SUMF1: variants seen among roughly 807,000 people sequenced by gnomAD.
The protein encoded by SUMF1 is formylglycine-generating enzyme.
In SUMF1, 48 loss-of-function variants were observed where a neutral mutation model predicts 47.6. The observed-to-expected ratio is 1.01, with a 90% CI of 0.80 to 1.28. SUMF1 has a LOEUF of 1.28. Ranked by LOEUF, SUMF1 falls within the 50% of genes most tolerant of loss-of-function variation. The pLI is 0.00. For synonymous variants in SUMF1, 230 were observed against 192.1 expected, an observed-to-expected ratio of 1.20 and a Z score of -1.63; for missense variants, 571 against 485.4, an observed-to-expected ratio of 1.18 and a Z score of -1.66.
intron 9 of SUMF1, among the ~76,000 whole-genome samples, chr3:4,062,468 C>G (rs1239354633): frequency 6.6e-6 from 1 of 152,148 alleles, no homozygotes; most frequent in East Asian, 1.9e-4. Context: ...GACGAGGTGT[C>G]AGAGTCCCAG....
intron 8 of SUMF1, among the ~76,000 whole-genome samples, chr3:4,158,317 A>C (rs1466546054): frequency 6.6e-6 from 1 of 151,590 alleles, no homozygotes; most frequent in African/African-American, 2.4e-5. Flanking sequence ...GATACTTGAT[A>C]TGATTTCAAT....
At chr3:4,365,300 A>C (rs1366770920) in intron 8 of SUMF1, among the ~76,000 whole-genome samples, 2 of 120,014 alleles carry the variant, frequency 1.7e-5, no homozygotes, top group Non-Finnish European at 2.0e-5. Flanking sequence ...TGATCTGTCT[A>C]ATGTTGACAG....
At chr3:4,130,889 C>T (rs1374870341) in intron 8 of SUMF1, among the ~76,000 whole-genome samples, 1 of 152,114 alleles carries the variant, frequency 6.6e-6, no homozygotes, top group Non-Finnish European at 1.5e-5. Flanking sequence ...GCAAGCTGCT[C>T]TGCCACTTGG....
chr3:4,374,248 T>C (rs1286468041), intron 8 of SUMF1, among the ~76,000 whole-genome samples: 1 of 152,194 alleles, frequency 6.6e-6, no homozygotes, highest in Non-Finnish European at 1.5e-5. Context: ...CTGTCGATAT[T>C]CACAGATCAT....
chr3:4,353,107 T>C (rs1260670684), intron 8 of SUMF1, among the ~76,000 whole-genome samples: 2 of 152,190 alleles, frequency 1.3e-5, no homozygotes, highest in African/African-American at 2.4e-5. Flanking sequence ...ATTGAACATA[T>C]TAAAAGATTG....
At chr3:4,213,285 A>T (rs1018010579) in intron 8 of SUMF1, among the ~76,000 whole-genome samples, 4 of 152,218 alleles carry the variant, frequency 2.6e-5, no homozygotes, top group Admixed American at 6.5e-5. Context: ...AGAATTTTCA[A>T]CCGAGAATTT....
In SUMF1 at chr3:4,365,371, C is replaced by G. The variant is rs1263665621; in HGVS notation, c.1015-3117G>C. Among the ~76,000 whole-genome samples the G allele has an allele frequency of 1.1e-4, 13 of 122,086 alleles. 1 individual carries two copies. Among genetic ancestry groups the G allele is most frequent in the African/African-American group, 3.1e-4 (11 of 35,114 alleles). The allele number at this position is 122,086 out of a possible 152,430, so 80.1% of individuals were successfully genotyped here. A position where few individuals can be genotyped will look rare whatever the true frequency, so the allele number is the denominator to read the frequency against. ...AGTCTAAGTCTCTTTGTAGGTCACT[C>G]AGGATTTGCTTTATGAATCTGGGTG... On this transcript the variant is annotated intron_variant, in intron 8 of 8. Transcript: ENST00000272902.
At chr3:4,258,163 A>G (rs1486164315) in intron 8 of SUMF1, among the ~76,000 whole-genome samples, 10 of 150,132 alleles carry the variant, frequency 6.7e-5, no homozygotes, top group African/African-American at 1.8e-4. Context: ...AAAACCCTAG[A>G]AGAAAACCTA....
intron 4 of SUMF1, 83 bp from the exon 5 acceptor site, chr3:4,418,215 C>G (rs1701780053): frequency 1.9e-6 from 3 of 1,588,586 alleles, no homozygotes; most frequent in African/African-American, 1.3e-5. Context: ...CGCCCATAAT[C>G]CCCCTCAGTT....
chr3:4,100,320 T>G (rs902634551), intron 8 of SUMF1, among the ~76,000 whole-genome samples: 1 of 151,898 alleles, frequency 6.6e-6, no homozygotes, highest in African/African-American at 2.4e-5. Context: ...CAAAATGGCA[T>G]AGGACTGGCA....
chr3:4,088,037 G>A (rs909753545), intron 8 of SUMF1, among the ~76,000 whole-genome samples: 1 of 152,074 alleles, frequency 6.6e-6, no homozygotes, highest in Non-Finnish European at 1.5e-5. Flanking sequence ...GCAGAAGTAT[G>A]GACTAAGGAA....
intron 8 of SUMF1, among the ~76,000 whole-genome samples, chr3:4,083,075 C>G (rs903860553): frequency 6.6e-6 from 1 of 152,078 alleles, no homozygotes; most frequent in Non-Finnish European, 1.5e-5. Context: ...GCAGGCCCTC[C>G]GGCTAGATCA....
chr3:4,115,791 A>G (rs1693408909), intron 8 of SUMF1, among the ~76,000 whole-genome samples: 1 of 152,088 alleles, frequency 6.6e-6, no homozygotes, highest in African/African-American at 2.4e-5. Context: ...CAATATTTTG[A>G]TGCTGAAACT....
chr3:4,459,081 A>G (rs369746794), intron 1 of SUMF1, among the ~76,000 whole-genome samples: 96 of 152,322 alleles, frequency 6.3e-4, no homozygotes, highest in African/African-American at 2.3e-3. Context: ...AGACGGTACA[A>G]AATTTCAGTT....
At chr3:4,064,253 T>A (rs900544639) in intron 9 of SUMF1, among the ~76,000 whole-genome samples, 1 of 152,140 alleles carries the variant, frequency 6.6e-6, no homozygotes, top group Non-Finnish European at 1.5e-5. Flanking sequence ...AAAACCAAGA[T>A]GGCAATGAAG....
intron 9 of SUMF1, among the ~76,000 whole-genome samples, chr3:4,064,947 A>G (rs144628090): frequency 8.7e-4 from 133 of 152,314 alleles, no homozygotes; most frequent in African/African-American, 3.0e-3. Flanking sequence ...CTGATGTAAC[A>G]AATGGAAGCA....
downstream of SUMF1, among the ~76,000 whole-genome samples, chr3:4,360,271 A>G (rs540262234): frequency 1.3e-4 from 17 of 132,294 alleles, no homozygotes; most frequent in East Asian, 1.4e-3. Flanking sequence ...GAAACATTTG[A>G]TATCTACAAA....
chr3:4,417,873 T>A, intron 5 of SUMF1, 137 bp downstream of exon 5: 1 of 1,501,780 alleles, frequency 6.7e-7, no homozygotes, highest in Non-Finnish European at 9.2e-7. Flanking sequence ...TTCTAAGTAA[T>A]TTCGTGGAAA....
At chr3:4,165,863 C>CT (rs1694691413) in intron 8 of SUMF1, among the ~76,000 whole-genome samples, 1 of 6,984 alleles carries the variant, frequency 1.4e-4, no homozygotes, top group Non-Finnish European at 3.2e-4. Context: ...TTGTTTGTTT[C>CT]CCCCCCCCCC....
Sources: gnomAD v4.1 joint callset for allele counts (sites outside exome capture counted in the v4.1 genomes callset) on GRCh38, gnomAD v4.1.1 for gene constraint, MANE v1.5 for transcripts, NCBI Gene and HGNC (gene_info 2026-07-23, HGNC 2026-07-21) for gene names.